The following DYNC2I1 variants were observed in gnomAD, a reference collection of about 807,000 sequenced individuals.
The protein encoded by DYNC2I1 is cytoplasmic dynein 2 intermediate chain 1.
DYNC2I1 carries 89 observed loss-of-function variants against 133.4 expected under a neutral mutation model. The observed-to-expected ratio is 0.67, with a 90% CI of 0.56 to 0.80. DYNC2I1 has a LOEUF of 0.80. Ranked by LOEUF, DYNC2I1 falls within the 30% of genes least tolerant of loss-of-function variation. DYNC2I1 has a pLI of 0.00. For synonymous variants in DYNC2I1, 504 were observed against 484.3 expected (o/e 1.04, Z -0.54); for missense variants, 1,291 against 1,314.5 (o/e 0.98, Z 0.28).
chr7:158,956,360 C>T lies in DYNC2I1; in HGVS notation c.*57-223C>T, dbSNP rs147341336. ...CCTCCCTGCACAGAGCTGATGCCAC[C>T]GTTCCTGGAGGGGCCACCTCTGGAA... On this transcript the variant is annotated intron_variant and NMD_transcript_variant, in intron 4 of 4. Transcript: ENST00000454771. Among the ~76,000 whole-genome samples, 1,019 of 152,340 alleles carry T rather than the reference C, an allele frequency of 6.7e-3. 2 individuals carry two copies. The highest frequency in any genetic ancestry group is 0.01 in the Non-Finnish European group (711 of 68,030).
downstream of DYNC2I1, chr7:158,946,259 T>G (rs1370021138): frequency 6.5e-6 from 1 of 152,678 alleles, no homozygotes; most frequent in Non-Finnish European, 1.5e-5. Flanking sequence ...AATGTTATAT[T>G]TGCAGAGCAA....
At chr7:158,875,244 G>A (rs145066172) in intron 3 of DYNC2I1, among the ~76,000 whole-genome samples, 3,383 of 151,912 alleles carry the variant, frequency 0.022, 59 homozygotes, top group Admixed American at 0.052. Context: ...ACAGGCGCAC[G>A]CCACGACGCC....
intron 10 of DYNC2I1, chr7:158,904,691 T>TG (rs1846581942): frequency 6.5e-6 from 1 of 153,388 alleles, no homozygotes; most frequent in Admixed American, 6.5e-5. Context: ...TCCTGTGGTC[T>TG]GGTCCTTATC....
Position 158,871,294 on chromosome 7 carries a change from C to G in DYNC2I1, c.222C>G (p.His74Gln), listed in dbSNP as rs1156489144. The change falls in exon 3 of 25, where the codon CAC (histidine) becomes CAG (glutamine). Residue 74 changes from histidine to glutamine, a missense_variant. Transcript: ENST00000407559. The stretch of plus-strand genomic sequence containing the variant: ...GCAGAGACAGGGTGGCCGAAGTCCA[C>G]ACCGCTAAGGAGAGTCCTCGTGGGG... ...ARSRDRVAEVHTAKESPRGER... is the reference protein window; with the variant it reads ...ARSRDRVAEVQTAKESPRGER... 5 of 1,582,696 alleles carry G rather than the reference C, an allele frequency of 3.2e-6. No individual in the cohort carries two copies. The highest frequency in any genetic ancestry group is 1.7e-4 in the Middle Eastern group (1 of 6,040).
chr7:158,943,046 A>G (rs1015648777), intron 24 of DYNC2I1, among the ~76,000 whole-genome samples: 1 of 151,926 alleles, frequency 6.6e-6, no homozygotes. Flanking sequence ...TCCTACTGTG[A>G]GGGTTCATGT....
At chr7:158,869,387 A>G in intron 1 of DYNC2I1, 1 of 461,802 alleles carries the variant, frequency 2.2e-6, no homozygotes, top group South Asian at 1.6e-5. Context: ...AGGACCAGGC[A>G]GAAACCCATT....
rs1186472633 is a variant in DYNC2I1, at chr7:158,915,337, T to G, written c.1791+1016T>G. On this transcript the variant is annotated intron_variant, in intron 14 of 24. Transcript: ENST00000407559. ...CACGCTGGTTGACATTAAGGATGAT[T>G]GTGAAACGTCGACACGCTGGTTGAC... Among the ~76,000 whole-genome samples the G allele has an allele frequency of 3.5e-5, 5 of 142,892 alleles. No homozygotes were observed. The South Asian group carries it at 9.5e-4, about 27-fold the overall frequency. The allele number at this position is 142,892 out of a possible 152,430, so 93.7% of individuals were successfully genotyped here.
At position 158,945,538 on chromosome 7, in the gene DYNC2I1, C is replaced by T. The variant is rs750735344; in HGVS notation, c.3003-43C>T. On this transcript the variant is annotated intron_variant, in intron 24 of 24. Transcript: ENST00000407559. The surrounding 1 kb of genome is among the most constrained non-coding windows in gnomAD (Gnocchi z 4.1). ...AAGACTCAGACAGAACCGAATGTCCCTTTGTGTGCACTGACCCTCTGCTTC... is the reference window on the plus strand; with the variant it reads ...AAGACTCAGACAGAACCGAATGTCCTTTTGTGTGCACTGACCCTCTGCTTC... 20 of 1,556,938 alleles carry T rather than the reference C, an allele frequency of 1.3e-5. No individual in the cohort carries two copies. Among genetic ancestry groups the T allele is most frequent in the South Asian group, 3.6e-5 (3 of 84,216 alleles).
chr7:158,847,172 T>G, the DYNC2I1 span, among the ~76,000 whole-genome samples: 1 of 152,242 alleles, frequency 6.6e-6, no homozygotes, highest in African/African-American at 2.4e-5. Flanking sequence ...CTGTCTTAAA[T>G]CTTAAAGTCA....
intron 14 of DYNC2I1, among the ~76,000 whole-genome samples, chr7:158,917,838 C>T (rs1365185639): frequency 1.3e-5 from 2 of 152,176 alleles, no homozygotes; most frequent in East Asian, 1.9e-4. Context: ...ACATTTTCTT[C>T]CTTCTTCACA....
chr7:158,950,296 C>T (rs1852016832), downstream of DYNC2I1, among the ~76,000 whole-genome samples: 1 of 152,202 alleles, frequency 6.6e-6, no homozygotes, highest in Admixed American at 6.5e-5. Flanking sequence ...AACTCCTGAC[C>T]TCAAGTGATC....
At chr7:158,915,256 A>C (rs555933979) in intron 14 of DYNC2I1, among the ~76,000 whole-genome samples, 2 of 152,264 alleles carry the variant, frequency 1.3e-5, no homozygotes, top group South Asian at 2.1e-4. Context: ...GACATTAAGA[A>C]TGATTGTGAA....
intron 1 of DYNC2I1, among the ~76,000 whole-genome samples, chr7:158,868,588 CT>C (rs1842617410): frequency 6.6e-6 from 1 of 152,226 alleles, no homozygotes; most frequent in South Asian, 2.1e-4. Context: ...GTGCGAGGAG[CT>C]TGGTGTGTAT....
intron 11 of DYNC2I1, among the ~76,000 whole-genome samples, chr7:158,911,063 C>T (rs1175755634): frequency 6.6e-6 from 1 of 152,128 alleles, no homozygotes; most frequent in Non-Finnish European, 1.5e-5. Flanking sequence ...GCGATTGGAG[C>T]GTGAAAGGCA....
At position 158,941,968 on chromosome 7, in the gene DYNC2I1, C is replaced by T. The variant is rs1585253516; in HGVS notation, c.2822C>T (p.Ser941Phe). The change falls in exon 24 of 25, where the codon TCC becomes TTC. Residue 941 changes from serine to phenylalanine, a missense_variant. Physicochemically the swap from Ser to Phe is radical, Grantham distance 155 (BLOSUM62 -2). Transcript: ENST00000407559. The part of the protein sequence containing the change: ...DGSIRLHQLS[S>F]AFPLLQWDSS... ...AGCATCAGGCTGCACCAGCTGAGCTCCGCGTTTCCGCTCCTGCAGTGGGAC... is the reference window on the plus strand; with the variant it reads ...AGCATCAGGCTGCACCAGCTGAGCTTCGCGTTTCCGCTCCTGCAGTGGGAC... 2 of 1,612,072 alleles carry T rather than the reference C, an allele frequency of 1.2e-6. No individual in the cohort carries two copies. Among genetic ancestry groups the T allele is most frequent in the Admixed American group, 1.7e-5 (1 of 59,816 alleles).
chr7:158,855,073 G>A (rs1378685670), upstream of DYNC2I1, among the ~76,000 whole-genome samples: 2 of 152,244 alleles, frequency 1.3e-5, no homozygotes, highest in Non-Finnish European at 2.9e-5. Context: ...CACCTTGCCC[G>A]CTGCCTAGAC....
chr7:158,857,212 C>T (rs1841347539), intron 1 of DYNC2I1, among the ~76,000 whole-genome samples: 2 of 152,158 alleles, frequency 1.3e-5, no homozygotes, highest in Admixed American at 6.5e-5. Flanking sequence ...ACTTGTATGA[C>T]CTTGGCAAAC....
At chr7:158,927,408 TA>T (rs71189436) in intron 20 of DYNC2I1, among the ~76,000 whole-genome samples, 1,615 of 142,798 alleles carry the variant, frequency 0.011, 22 homozygotes, top group African/African-American at 0.033. Flanking sequence ...GTCTCTCTGT[TA>T]AAAAAAAAAA....
At chr7:158,913,834 G>T (rs1194552084) in intron 13 of DYNC2I1, among the ~76,000 whole-genome samples, 2 of 151,996 alleles carry the variant, frequency 1.3e-5, no homozygotes, top group Non-Finnish European at 2.9e-5. Context: ...TCAGCCTCCC[G>T]AGTAGCTGGG....
Sources: gnomAD v4.1 joint callset for allele counts (sites outside exome capture counted in the v4.1 genomes callset) on GRCh38, gnomAD v4.1.1 for gene constraint, Gnocchi (gnomAD v3.1) non-coding constraint, MANE v1.5 for transcripts, NCBI Gene and HGNC (gene_info 2026-07-23, HGNC 2026-07-21) for gene names.